NRG3: variants seen among roughly 807,000 people sequenced by gnomAD.
NRG3 encodes pro-neuregulin-3, membrane-bound isoform.
Under a neutral mutation model 66.9 loss-of-function variants are expected in NRG3, and 31 were observed. The ratio of observed to expected loss-of-function variants is 0.46; its 90% CI spans 0.35 to 0.63. NRG3 has a LOEUF of 0.63. Among genes scored for constraint, NRG3 ranks in the 20% least tolerant of loss-of-function variants. The probability of loss-of-function intolerance (pLI) is 0.00; values close to 1 mark genes in which losing one functional copy is unlikely to be tolerated. For missense variants in NRG3, 910 were observed against 878.9 expected, an observed-to-expected ratio of 1.04 and a Z score of -0.45; for synonymous variants, 393 against 359.4, an observed-to-expected ratio of 1.09 and a Z score of -1.06.
At chr10:82,829,329 T>TA (rs141552324) in intron 3 of NRG3, among the ~76,000 whole-genome samples, 7,017 of 152,248 alleles carry the variant, frequency 0.046, 219 homozygotes, top group African/African-American at 0.093. Context: ...AAAGAATAAT[T>TA]GAACTCCTTT....
chr10:82,409,796 G>A (rs1457723027), intron 2 of NRG3, among the ~76,000 whole-genome samples: 2 of 152,132 alleles, frequency 1.3e-5, no homozygotes, highest in East Asian at 3.9e-4. Context: ...TCTGGGCTGT[G>A]GTTGATTGGC....
At chr10:82,800,057 C>CTT (rs2060972497) in intron 3 of NRG3, among the ~76,000 whole-genome samples, 1 of 152,094 alleles carries the variant, frequency 6.6e-6, no homozygotes, top group Admixed American at 6.5e-5. Flanking sequence ...CTTAAGGTTC[C>CTT]TGCCTTTGGT....
intron 2 of NRG3, among the ~76,000 whole-genome samples, chr10:82,616,849 C>CTTAATTGT (rs1375277375): frequency 3.3e-5 from 5 of 152,096 alleles, no homozygotes; most frequent in African/African-American, 1.2e-4. Context: ...TGGCCCAAAC[C>CTTAATTGT]CTCTATTAGG....
intron 1 of NRG3, among the ~76,000 whole-genome samples, chr10:82,251,365 A>C (rs1476041649): frequency 1.3e-5 from 2 of 152,136 alleles, no homozygotes; most frequent in African/African-American, 4.8e-5. Context: ...TATCCTCTAA[A>C]GCCATTGTCC....
intron 2 of NRG3, among the ~76,000 whole-genome samples, chr10:82,551,701 G>A (rs2044319071): frequency 2.0e-5 from 3 of 151,670 alleles, no homozygotes; most frequent in South Asian, 2.1e-4. Context: ...CCACCATAGC[G>A]GTCAATGAGT....
chr10:82,198,491 T>A (rs1326124976), intron 1 of NRG3, among the ~76,000 whole-genome samples: 2 of 152,178 alleles, frequency 1.3e-5, no homozygotes, highest in Non-Finnish European at 2.9e-5. Context: ...TATTTCCAGT[T>A]CATTAAAATA....
intron 2 of NRG3, among the ~76,000 whole-genome samples, chr10:82,557,040 T>C (rs988590257): frequency 1.4e-4 from 22 of 152,174 alleles, no homozygotes; most frequent in Admixed American, 8.5e-4. Context: ...CAGTCTGTCA[T>C]TGATGGGCGT....
intron 2 of NRG3, among the ~76,000 whole-genome samples, chr10:82,397,833 A>C (rs887103925): frequency 6.6e-6 from 1 of 152,308 alleles, no homozygotes; most frequent in African/African-American, 2.4e-5. Context: ...ACGTTTAATG[A>C]GAGCCATCTT....
intron 5 of NRG3, among the ~76,000 whole-genome samples, chr10:82,953,879 G>A (rs1455564231): frequency 2.0e-5 from 3 of 151,206 alleles, no homozygotes; most frequent in African/African-American, 4.9e-5. Context: ...AATGGCTTGA[G>A]CCTGGGAGGT....
At chr10:82,519,637 C>A (rs1182233403) in intron 2 of NRG3, among the ~76,000 whole-genome samples, 1 of 152,176 alleles carries the variant, frequency 6.6e-6, no homozygotes, top group Non-Finnish European at 1.5e-5. Flanking sequence ...TCAAGCATAT[C>A]AGTATGCTTT....
intron 2 of NRG3, among the ~76,000 whole-genome samples, chr10:82,722,143 T>A (rs184032434): frequency 1.3e-5 from 2 of 152,290 alleles, no homozygotes; most frequent in Admixed American, 6.5e-5. Context: ...GTACATTGAA[T>A]TTAGAAACAG....
intron 1 of NRG3, among the ~76,000 whole-genome samples, chr10:81,960,375 A>G (rs1850238845): frequency 6.6e-6 from 1 of 152,170 alleles, no homozygotes; most frequent in Admixed American, 6.5e-5. Flanking sequence ...CTTAAAGGCA[A>G]CTTTCTTACC....
chr10:82,350,068 T>C (rs1320067920), intron 1 of NRG3, among the ~76,000 whole-genome samples: 1 of 152,158 alleles, frequency 6.6e-6, no homozygotes, highest in African/African-American at 2.4e-5. Context: ...CTGTTCCTAT[T>C]CGGCCATCTT....
intron 2 of NRG3, among the ~76,000 whole-genome samples, chr10:82,490,552 G>A (rs1446489702): frequency 6.6e-6 from 1 of 151,894 alleles, no homozygotes; most frequent in African/African-American, 2.4e-5. Context: ...CATGACTTTG[G>A]TGAATTTATC....
chr10:82,714,538 TA>T (rs1369988974), intron 2 of NRG3, among the ~76,000 whole-genome samples: 1 of 152,168 alleles, frequency 6.6e-6, no homozygotes, highest in Non-Finnish European at 1.5e-5. Flanking sequence ...TTATCTTCTA[TA>T]AACTTGTACT....
In NRG3 at chr10:82,307,759, T is replaced by G. The variant is rs1416185283; in HGVS notation, c.824-50980T>G. ...ATTTTTCCCTCCAATTTCATCTTTTTTTTTTCCTGTCATTTAAAAAAATCT... is the reference window on the plus strand; with the variant it reads ...ATTTTTCCCTCCAATTTCATCTTTTGTTTTTCCTGTCATTTAAAAAAATCT... On this transcript the variant is annotated intron_variant, in intron 1 of 8. Transcript: ENST00000372141. Among the ~76,000 whole-genome samples, 3 of 152,064 alleles carry G rather than the reference T, an allele frequency of 2.0e-5. No homozygotes were observed. The East Asian group carries it at 5.8e-4, about 29-fold the overall frequency.
At chr10:82,842,068 T>C (rs2135755622) in intron 3 of NRG3, among the ~76,000 whole-genome samples, 1 of 152,220 alleles carries the variant, frequency 6.6e-6, no homozygotes, top group East Asian at 1.9e-4. Flanking sequence ...CTGGTCAACA[T>C]GGCGAAACCC....
intron 4 of NRG3, among the ~76,000 whole-genome samples, chr10:82,870,493 T>C (rs2135983205): frequency 6.6e-6 from 1 of 152,330 alleles, no homozygotes; most frequent in Admixed American, 6.5e-5. Flanking sequence ...ATGTTTAGTT[T>C]TTTTAGAAAC....
chr10:82,139,199 C>G (rs1352896231), intron 1 of NRG3, among the ~76,000 whole-genome samples: 1 of 152,128 alleles, frequency 6.6e-6, no homozygotes, highest in Non-Finnish European at 1.5e-5. Context: ...CTCTAACAAG[C>G]AAGCTCCTGA....
Sources: allele counts gnomAD v4.1 joint callset (sites outside exome capture counted in the v4.1 genomes callset), GRCh38; gene constraint gnomAD v4.1.1; transcripts MANE v1.5; gene names NCBI Gene and HGNC (gene_info 2026-07-23, HGNC 2026-07-21).